SLC24A3: variants seen among roughly 807,000 people sequenced by gnomAD.
SLC24A3 encodes the protein solute carrier family 24 member 3.
Under a neutral mutation model 75.8 loss-of-function variants are expected in SLC24A3, and 28 were observed. That is an observed-to-expected ratio of 0.37 (90% CI 0.27 to 0.51). The LOEUF is 0.51. Ranked by LOEUF, SLC24A3 falls within the 20% of genes least tolerant of loss-of-function variation. The pLI, the probability that SLC24A3 is intolerant of heterozygous loss-of-function variation, is 0.94. For synonymous variants in SLC24A3, 372 were observed against 334.1 expected (o/e 1.11, Z -1.24); for missense variants, 663 against 847.8 (o/e 0.78, Z 2.71).
intron 1 of SLC24A3, among the ~76,000 whole-genome samples, chr20:19,237,442 C>A (rs570324776): frequency 1.6e-4 from 24 of 152,172 alleles, no homozygotes; most frequent in Non-Finnish European, 2.8e-4. Flanking sequence ...GGTGTGCCGT[C>A]CCTTTCAAGT....
intron 2 of SLC24A3, among the ~76,000 whole-genome samples, chr20:19,445,940 C>A (rs1487650037): frequency 6.6e-6 from 1 of 152,202 alleles, no homozygotes; most frequent in Non-Finnish European, 1.5e-5. Flanking sequence ...TCCTTACTGA[C>A]TACATGCTGT....
At chr20:19,515,857 C>T (rs1193548467) in intron 3 of SLC24A3, among the ~76,000 whole-genome samples, 1 of 152,254 alleles carries the variant, frequency 6.6e-6, no homozygotes, top group East Asian at 1.9e-4. Context: ...TCTGCTCAAA[C>T]ACCACCCTCT....
At chr20:19,242,919 G>C (rs1267511387) in intron 1 of SLC24A3, among the ~76,000 whole-genome samples, 1 of 152,186 alleles carries the variant, frequency 6.6e-6, no homozygotes, top group African/African-American at 2.4e-5. Context: ...ATCTGGAAAG[G>C]TGTGCTGTAA....
intron 2 of SLC24A3, among the ~76,000 whole-genome samples, chr20:19,287,620 A>G (rs552650759): frequency 4.6e-5 from 7 of 152,348 alleles, no homozygotes; most frequent in Non-Finnish European, 7.3e-5. Flanking sequence ...TTTAATCTTC[A>G]TAACAATTCC....
intron 2 of SLC24A3, among the ~76,000 whole-genome samples, chr20:19,362,921 G>T (rs1985817912): frequency 6.6e-6 from 1 of 152,238 alleles, no homozygotes; most frequent in South Asian, 2.1e-4. Context: ...CAATGAAAAT[G>T]TAGCTGAAAT....
rs562443143 is a variant in SLC24A3, at chr20:19,266,253, T to G, written c.143-14706T>G. The stretch of plus-strand genomic sequence containing the variant: ...TAATAATTGTTTGAAGGCACATTTC[T>G]TATTACTCTGTGAGCAGATGAAACG... On this transcript the variant is annotated intron_variant, in intron 1 of 16. Coordinates refer to ENST00000328041, the MANE Select transcript of SLC24A3 (RefSeq NM_020689.4). Among the ~76,000 whole-genome samples, 6 of 152,332 alleles carry G rather than the reference T, an allele frequency of 3.9e-5. No individual in the cohort carries two copies. The South Asian group carries it at 1.2e-3, about 32-fold the overall frequency.
intron 3 of SLC24A3, among the ~76,000 whole-genome samples, chr20:19,535,233 T>C (rs1002898663): frequency 1.5e-4 from 23 of 152,214 alleles, no homozygotes; most frequent in Non-Finnish European, 2.8e-4. Flanking sequence ...CTTAAACCAA[T>C]GGCTATTTTT....
At chr20:19,319,826 A>G (rs1984667117) in intron 2 of SLC24A3, among the ~76,000 whole-genome samples, 2 of 152,168 alleles carry the variant, frequency 1.3e-5, no homozygotes, top group South Asian at 4.1e-4. Context: ...CAGCTGGTAC[A>G]CCTGTACATG....
At chr20:19,479,538 T>C (rs2122516701) in intron 2 of SLC24A3, among the ~76,000 whole-genome samples, 2 of 152,350 alleles carry the variant, frequency 1.3e-5, no homozygotes, top group Middle Eastern at 6.8e-3. Flanking sequence ...AGTGGTTTAT[T>C]TGGGAGGTGA....
chr20:19,322,989 G>A (rs565938406), intron 2 of SLC24A3, among the ~76,000 whole-genome samples: 41 of 151,930 alleles, frequency 2.7e-4, no homozygotes, highest in African/African-American at 9.2e-4. Context: ...GGCGGATCAC[G>A]AGGTCAGGAG....
At chr20:19,572,582 C>T (rs1467973908) in intron 3 of SLC24A3, among the ~76,000 whole-genome samples, 1 of 152,152 alleles carries the variant, frequency 6.6e-6, no homozygotes, top group East Asian at 1.9e-4. Context: ...GAAATTGAGG[C>T]ATTCGCTGGT....
At chr20:19,471,139 C>T (rs1186050170) in intron 2 of SLC24A3, among the ~76,000 whole-genome samples, 1 of 151,974 alleles carries the variant, frequency 6.6e-6, no homozygotes, top group Non-Finnish European at 1.5e-5. Flanking sequence ...GTCTTGAGGG[C>T]TTGAAGAAGA....
chr20:19,533,358 G>A (rs571730959), intron 3 of SLC24A3, among the ~76,000 whole-genome samples: 1 of 152,312 alleles, frequency 6.6e-6, no homozygotes, highest in South Asian at 2.1e-4. Context: ...TGGGTATTTC[G>A]TGGCTACCCC....
chr20:19,671,154 G>A (rs895790360), intron 8 of SLC24A3, among the ~76,000 whole-genome samples: 3 of 152,206 alleles, frequency 2.0e-5, no homozygotes, highest in Non-Finnish European at 2.9e-5. Flanking sequence ...TTAAAAGCTG[G>A]TATCTGCAGG....
chr20:19,287,094 C>T (rs1983834548), intron 2 of SLC24A3, among the ~76,000 whole-genome samples: 1 of 152,266 alleles, frequency 6.6e-6, no homozygotes, highest in African/African-American at 2.4e-5. Context: ...GCTGCTGTAA[C>T]AGAGAAGTCC....
chr20:19,331,511 A>G (rs542410547), intron 2 of SLC24A3, among the ~76,000 whole-genome samples: 43 of 152,372 alleles, frequency 2.8e-4, no homozygotes, highest in Non-Finnish European at 5.6e-4. Flanking sequence ...CAGAATGCTA[A>G]CAAAAATGAG....
chr20:19,653,390 C>T (rs918643777), intron 6 of SLC24A3, among the ~76,000 whole-genome samples: 1 of 152,224 alleles, frequency 6.6e-6, no homozygotes, highest in African/African-American at 2.4e-5. Flanking sequence ...GTATGCAAAT[C>T]AATCTTTCAA....
intron 2 of SLC24A3, among the ~76,000 whole-genome samples, chr20:19,505,284 G>A (rs1988446134): frequency 6.6e-6 from 1 of 152,186 alleles, no homozygotes; most frequent in Non-Finnish European, 1.5e-5. Flanking sequence ...TCTGCATTCA[G>A]GAGTGAGGTA....
At chr20:19,348,884 T>A (rs2122321737) in intron 2 of SLC24A3, among the ~76,000 whole-genome samples, 1 of 152,246 alleles carries the variant, frequency 6.6e-6, no homozygotes, top group African/African-American at 2.4e-5. Flanking sequence ...ATCTGCTTCT[T>A]ATATATCACC....
Sources: allele counts gnomAD v4.1 joint callset (sites outside exome capture counted in the v4.1 genomes callset), GRCh38; gene constraint gnomAD v4.1.1; transcripts MANE v1.5; gene names NCBI Gene and HGNC (gene_info 2026-07-23, HGNC 2026-07-21).